EPPK1: variants seen among roughly 807,000 people sequenced by gnomAD.
The protein encoded by EPPK1 is epiplakin 1.
For synonymous variants in EPPK1, 1,862 were observed against 1,721.2 expected, an observed-to-expected ratio of 1.08 and a Z score of -2.03; for missense variants, 3,823 against 3,673.3, an observed-to-expected ratio of 1.04 and a Z score of -1.05.
chr8:143,872,246 C>T lies in EPPK1; in HGVS notation c.1008G>A (p.Arg336=), dbSNP rs1554661492. 18 of 1,609,808 alleles carry T rather than the reference C, an allele frequency of 1.1e-5. No homozygotes were observed. Among genetic ancestry groups the T allele is most frequent in the Non-Finnish European group, 1.5e-5 (18 of 1,178,552 alleles). Residue 336 remains arginine (R), a synonymous_variant, in exon 2 of 2, where the codon CGG becomes CGA. Transcript: ENST00000615648. The part of the protein sequence containing the change: ...HTLVDPITGQ[R]LWVDEAVRAG... ...CCCTGACTGCCTCGTCTACCCACAG[C>T]CGCTGGCCTGTGATGGGGTCCACCA... is the stretch of plus-strand genomic sequence containing the variant.
Position 143,868,463 on chromosome 8 carries a change from C to T in EPPK1, c.4791G>A (p.Arg1597=), listed in dbSNP as rs782006083. 12 of 1,612,412 alleles carry T rather than the reference C, an allele frequency of 7.4e-6. No individual in the cohort carries two copies. The East Asian group carries it at 2.7e-4, about 36-fold the overall frequency. ...IPEALRRHIL[R]PGTALVLLEA... Reference sequence around the variant, plus strand: ...CCAGCAGCACCAGGGCTGTGCCAGGCCGCAGGATGTGCCTCCTCAGGGCCT... The same window carrying T: ...CCAGCAGCACCAGGGCTGTGCCAGGTCGCAGGATGTGCCTCCTCAGGGCCT... Residue 1597 remains arginine (R), a synonymous_variant, in exon 2 of 2, where the codon CGG becomes CGA. Coordinates refer to ENST00000615648, the MANE Select transcript of EPPK1 (RefSeq NM_031308.4).
At position 143,870,618 on chromosome 8, in the gene EPPK1, A is replaced by G. The variant is rs1586696610; in HGVS notation, c.2636T>C (p.Met879Thr). The G allele has an allele frequency of 6.2e-7, 1 of 1,606,906 alleles. No individual in the cohort carries two copies. Among genetic ancestry groups the G allele is most frequent in the Non-Finnish European group, 8.5e-7 (1 of 1,177,670 alleles). The change falls in exon 2 of 2, where the codon ATG becomes ACG. Residue 879 changes from methionine (M) to threonine (T), a missense_variant. By Grantham distance (81) the Met-to-Thr change is moderately conservative (BLOSUM62 -1). Transcript: ENST00000615648. This position sits in a 1 kb window ranked among gnomAD's most constrained non-coding sequence, Gnocchi z 5.2. ...GACCCGGCTCCGCAGTGCGGGCAGC[A>G]TGATGTCCGCCTGTCTCTGCGTCTC... ...EAETQRQADI[M>T]LPALRSRVTV...
chr8:143,871,051 T>C lies in EPPK1; in HGVS notation c.2203A>G (p.Ser735Gly), dbSNP rs1554661010. ...ATGGVIDPVH[S>G]HRVPVDVAYR... ...GCCACGTCCACGGGCACGCGGTGGC[T>C]GTGCACGGGGTCGATGACGCCGCCC... is the stretch of plus-strand genomic sequence containing the variant. The change falls in exon 2 of 2, where the codon AGC (serine) becomes GGC (glycine). Residue 735 changes from serine (S) to glycine (G), a missense_variant. By Grantham distance (56) the Ser-to-Gly change is moderately conservative. Transcript: ENST00000615648. The C allele has an allele frequency of 6.2e-7, 1 of 1,612,882 alleles. No homozygotes were observed. The highest frequency in any genetic ancestry group is 8.5e-7 in the Non-Finnish European group (1 of 1,179,966).
rs781801198 is a variant in EPPK1, at chr8:143,872,570, C to A, written c.684G>T (p.Leu228Phe). ...AGCGGAAGGTGATCTTGAGGGGCAG[C>A]AAGGCTAGCCCCGAGCCGGGGGCAC... is the stretch of plus-strand genomic sequence containing the variant. The part of the protein sequence containing the change: ...CVRAPGSGLA[L>F]LPLKITFRSM... Residue 228 changes from leucine (L) to phenylalanine (F), a missense_variant, in exon 2 of 2, where the codon TTG (leucine) becomes TTT (phenylalanine). Leu to Phe is a conservative substitution (Grantham distance 22). Coordinates refer to ENST00000615648, the MANE Select transcript of EPPK1 (RefSeq NM_031308.4). 1 of 1,606,866 alleles carries A rather than the reference C, an allele frequency of 6.2e-7. No individual in the cohort carries two copies. Among genetic ancestry groups the A allele is most frequent in the Non-Finnish European group, 8.5e-7 (1 of 1,178,750 alleles).
chr8:143,871,538 C>A lies in EPPK1; in HGVS notation c.1716G>T (p.Leu572=), dbSNP rs782056143. 1.2e-6 allele frequency: 2 copies of A among 1,610,080 alleles called. No homozygotes were observed. Among genetic ancestry groups the A allele is most frequent in the Non-Finnish European group, 8.5e-7 (1 of 1,178,930 alleles). Residue 572 remains leucine (L), a synonymous_variant, in exon 2 of 2, where the codon CTG becomes CTT. Transcript: ENST00000615648. ...GLRDTVTPGE[L]LKAEIIDQDL... ...CCTGGTCGATGATCTCGGCTTTCAG[C>A]AGCTCTCCTGGTGTCACGGTGTCCC...
At chr8:143,874,354 G>A (rs558956517) in intron 1 of EPPK1, among the ~76,000 whole-genome samples, 3 of 152,370 alleles carry the variant, frequency 2.0e-5, no homozygotes, top group Admixed American at 6.5e-5. Flanking sequence ...CTGTGAATGT[G>A]ACCTTATTTG....
chr8:143,877,518 G>A (rs1819504728), intron 1 of EPPK1, among the ~76,000 whole-genome samples: 1 of 152,168 alleles, frequency 6.6e-6, no homozygotes, highest in African/African-American at 2.4e-5. Context: ...CCCAAGTGGT[G>A]GAGGGCCGTT....
intron 1 of EPPK1, among the ~76,000 whole-genome samples, chr8:143,877,820 C>G (rs545704222): frequency 1.8e-4 from 28 of 152,076 alleles, no homozygotes; most frequent in African/African-American, 6.5e-4. Flanking sequence ...GGGCCCAGGG[C>G]AGGGAAGCAG....
In EPPK1 at chr8:143,870,925, T is replaced by C. The variant is rs782470494; in HGVS notation, c.2329A>G (p.Thr777Ala). The C allele has an allele frequency of 6.2e-7, 1 of 1,613,372 alleles. No homozygotes were observed. Among genetic ancestry groups the C allele is most frequent in the Non-Finnish European group, 8.5e-7 (1 of 1,179,966 alleles). The change falls in exon 2 of 2, where the codon ACG becomes GCG. Residue 777 changes from threonine (T) to alanine (A), a missense_variant. By Grantham distance (58) the Thr-to-Ala change is moderately conservative. Coordinates refer to ENST00000615648, the MANE Select transcript of EPPK1 (RefSeq NM_031308.4). The surrounding 1 kb of genome is among the most constrained non-coding windows in gnomAD (Gnocchi z 5.2). Reference protein sequence around the residue: ...FFDPNTHENLTYLQLLERCVR... With the variant: ...FFDPNTHENLAYLQLLERCVR... ...CAGCGCTCCAGAAGCTGCAGGTACGTGAGGTTCTCGTGCGTGTTGGGGTCG... is the reference window on the plus strand; with the variant it reads ...CAGCGCTCCAGAAGCTGCAGGTACGCGAGGTTCTCGTGCGTGTTGGGGTCG...
In EPPK1 at chr8:143,857,957, G is replaced by C; in HGVS notation, c.*30C>G. Reference sequence around the variant, plus strand: ...ACAAGTATGCCTCCACTTCTCCAGAGTTGCAGAAAACTGCACGGAGGAAGC... The same window carrying C: ...ACAAGTATGCCTCCACTTCTCCAGACTTGCAGAAAACTGCACGGAGGAAGC... On this transcript the variant is annotated 3_prime_UTR_variant, in exon 2 of 2. Coordinates refer to ENST00000615648, the MANE Select transcript of EPPK1 (RefSeq NM_031308.4). 2 of 1,326,526 alleles carry C rather than the reference G, an allele frequency of 1.5e-6. No individual in the cohort carries two copies. The highest frequency in any genetic ancestry group is 2.1e-6 in the Non-Finnish European group (2 of 965,940). The allele number at this position is 1,326,526 out of a possible 1,614,324, so 82.2% of individuals were successfully genotyped here.
rs2130615668 is a variant in EPPK1, at chr8:143,865,995, C to T, written c.7259G>A (p.Arg2420Gln). ...GCTCAGCTGGTGCACGGCGGAGCCC[C>T]GGCCTGCCAGCTGCAGCATGTAGAG... ...TGLYMLQLAG[R>Q]GSAVHQLSEE... is the part of the protein sequence containing the mutation. The change falls in exon 2 of 2, where the codon CGG (arginine) becomes CAG (glutamine). Residue 2420 changes from arginine (R) to glutamine (Q), a missense_variant. Coordinates refer to ENST00000615648, the MANE Select transcript of EPPK1 (RefSeq NM_031308.4). The T allele has an allele frequency of 6.8e-5, 10 of 147,050 alleles. No homozygotes were observed. The East Asian group carries it at 1.2e-3, about 18-fold the overall frequency. 9.1% of individuals were successfully genotyped at this position (147,050 alleles called of 1,614,324 possible). A position where few individuals can be genotyped will look rare whatever the true frequency, so the allele number is the denominator to read the frequency against.
Position 143,857,947 on chromosome 8 carries a change from C to A in EPPK1, c.*40G>T. The A allele has an allele frequency of 5.3e-5, 51 of 956,014 alleles. No individual in the cohort carries two copies. Among genetic ancestry groups the A allele is most frequent in the Non-Finnish European group, 6.8e-5 (44 of 646,776 alleles). 59.2% of individuals were successfully genotyped at this position (956,014 alleles called of 1,614,324 possible). A position where few individuals can be genotyped will look rare whatever the true frequency, so the allele number is the denominator to read the frequency against. On this transcript the variant is annotated 3_prime_UTR_variant, in exon 2 of 2. Coordinates refer to ENST00000615648, the MANE Select transcript of EPPK1 (RefSeq NM_031308.4). ...ACCCAGACACACAAGTATGCCTCCA[C>A]TTCTCCAGAGTTGCAGAAAACTGCA...
At chr8:143,878,395 C>CCCGCACCCGCCGCACCCGCCCGCACCCG (rs1819527131) in intron 1 of EPPK1, 43 bp downstream of exon 1, 2 of 82,876 alleles carry the variant, frequency 2.4e-5, no homozygotes, top group African/African-American at 6.7e-5. Context: ...GCCGCACCTG[C>CCCGCACCCGCCGCACCCGCCCGCACCCG]CCGCACCCGC....
In EPPK1 at chr8:143,868,434, G is replaced by T. The variant is rs1554659941; in HGVS notation, c.4820C>A (p.Ala1607Glu). The T allele has an allele frequency of 5.6e-6, 9 of 1,612,592 alleles. No individual in the cohort carries two copies. Among genetic ancestry groups the T allele is most frequent in the Non-Finnish European group, 7.6e-6 (9 of 1,179,792 alleles). ...GATGATGAAGCCGGTAGCTGCCTGT[G>T]CCTCCAGCAGCACCAGGGCTGTGCC... ...RPGTALVLLE[A>E]QAATGFIIDP... is the part of the protein sequence containing the mutation. The change falls in exon 2 of 2, where the codon GCA becomes GAA. Residue 1607 changes from alanine (A) to glutamate (E), a missense_variant. Ala to Glu is a moderately radical substitution (Grantham distance 107, BLOSUM62 -1). Coordinates refer to ENST00000615648, the MANE Select transcript of EPPK1 (RefSeq NM_031308.4).
intron 1 of EPPK1, among the ~76,000 whole-genome samples, chr8:143,876,988 T>C (rs1819494398): frequency 6.6e-6 from 1 of 152,242 alleles, no homozygotes; most frequent in South Asian, 2.1e-4. Flanking sequence ...GCGGGCCTCG[T>C]AAGCTCAGGC....
rs73715514 is a variant in EPPK1, at chr8:143,867,772, G to A, written c.5482C>T (p.Leu1828=). 17,622 of 1,613,568 alleles carry A rather than the reference G, an allele frequency of 0.011. 1,461 individuals are homozygous for A. The African/African-American group carries it at 0.19, about 18-fold the overall frequency. ...GAQSGGLEKL[L]EIITTTIEET... is the part of the protein sequence containing the mutation. ...TCAATTGTCGTGGTGATGATTTCCAGCAATTTCTCCAGGCCCCCACTCTGG... is the reference window on the plus strand; with the variant it reads ...TCAATTGTCGTGGTGATGATTTCCAACAATTTCTCCAGGCCCCCACTCTGG... Residue 1828 remains leucine (L), a synonymous_variant, in exon 2 of 2, where the codon CTG becomes TTG. Transcript: ENST00000615648.
In EPPK1 at chr8:143,865,985, G is replaced by A. The variant is rs1471053534; in HGVS notation, c.7269C>T (p.Ala2423=). The A allele has an allele frequency of 4.3e-4, 58 of 135,850 alleles. 1 individual carries two copies. The East Asian group carries it at 0.011, about 25-fold the overall frequency. The allele number at this position is 135,850 out of a possible 1,614,324, so 8.4% of individuals were successfully genotyped here. A position where few individuals can be genotyped will look rare whatever the true frequency, so the allele number is the denominator to read the frequency against. ...GCAGCTCCTCGCTCAGCTGGTGCAC[G>A]GCGGAGCCCCGGCCTGCCAGCTGCA... ...YMLQLAGRGS[A]VHQLSEELRC... The change falls in exon 2 of 2, where the codon GCC becomes GCT. Residue 2423 remains alanine, a synonymous_variant. Transcript: ENST00000615648.
At chr8:143,875,944 CCA>C (rs1431207443) in intron 1 of EPPK1, among the ~76,000 whole-genome samples, 1 of 152,020 alleles carries the variant, frequency 6.6e-6, no homozygotes, top group Non-Finnish European at 1.5e-5. Context: ...ACAGTGGCCC[CCA>C]CCCCCCACCC....
Position 143,868,403 on chromosome 8 carries a change from G to A in EPPK1, c.4851C>T (p.Pro1617=), listed in dbSNP as rs782792511. Residue 1617 remains proline (P), a synonymous_variant, in exon 2 of 2, where the codon CCC becomes CCT. Coordinates refer to ENST00000615648, the MANE Select transcript of EPPK1 (RefSeq NM_031308.4). ...CCACGGTCAGCTTCCGGTTCTCCAC[G>A]GGGTCGATGATGAAGCCGGTAGCTG... ...AQAATGFIID[P]VENRKLTVEE... 28 of 1,612,516 alleles carry A rather than the reference G, an allele frequency of 1.7e-5. No individual in the cohort carries two copies. The highest frequency in any genetic ancestry group is 8.0e-5 in the African/African-American group (6 of 74,932).
Sources: gnomAD v4.1 joint callset for allele counts (sites outside exome capture counted in the v4.1 genomes callset) on GRCh38, gnomAD v4.1.1 for gene constraint, Gnocchi (gnomAD v3.1) non-coding constraint, MANE v1.5 for transcripts, NCBI Gene and HGNC (gene_info 2026-07-23, HGNC 2026-07-21) for gene names.